Variants in NBEAL1 observed in about 807,000 individuals in gnomAD.
The protein encoded by NBEAL1 is neurobeachin like 1, also known as neurobeachin-like protein 1.
Under a neutral mutation model 351.3 loss-of-function variants are expected in NBEAL1, and 273 were observed. The observed-to-expected ratio is 0.78, with a 90% confidence interval of 0.70 to 0.86. NBEAL1 has a LOEUF of 0.86. NBEAL1 is among the 40% of genes least tolerant of loss of function. The pLI is 0.00. For synonymous variants in NBEAL1, 1,050 were observed against 1,086.4 expected (o/e 0.97, Z 0.66); for missense variants, 2,961 against 3,201.3 (o/e 0.92, Z 1.81).
At chr2:203,172,936 A>ATT in intron 41 of NBEAL1, 83 bp downstream of exon 41, 4 of 1,216,350 alleles carry the variant, frequency 3.3e-6, no homozygotes, top group Non-Finnish European at 2.2e-6. Context: ...AACCAAAAAA[A>ATT]TTTTTTTTTT....
intron 48 of NBEAL1, 117 bp downstream of exon 48, chr2:203,197,508 C>A: frequency 1.6e-6 from 1 of 611,234 alleles, no homozygotes; most frequent in Non-Finnish European, 2.8e-6. Context: ...GTGGTTCATG[C>A]CTGTAATCCC....
rs546624132 is a variant in NBEAL1, at chr2:203,099,041, G to A, written c.1186-588G>A. Among the ~76,000 whole-genome samples the A allele has an allele frequency of 1.1e-3, 167 of 152,196 alleles. 1 individual carries two copies. Among genetic ancestry groups the A allele is most frequent in the African/African-American group, 3.9e-3 (163 of 41,528 alleles). On this transcript the variant is annotated intron_variant, in intron 11 of 55. Transcript: ENST00000683969. ...TGTAATCCCAGCACTTTGGGAGGCC[G>A]AGGTGGGTGGATCCACTTGAGGTCA...
rs527746341 is a variant in NBEAL1, at chr2:203,180,395, G to A, written c.6478G>A (p.Asp2160Asn). 15 of 1,610,470 alleles carry A rather than the reference G, an allele frequency of 9.3e-6. No homozygotes were observed. In the East Asian group the frequency reaches 3.4e-4, roughly 36 times the overall value. The change falls in exon 43 of 56, where the codon GAT (aspartate) becomes AAT (asparagine). Residue 2160 changes from aspartate to asparagine, a missense_variant. Asp to Asn is a conservative substitution (Grantham distance 23). Transcript: ENST00000683969. ...QLQSGRFDCA[D>N]RQFHSIPATW... Reference sequence around the variant, plus strand: ...TTCTACATGCAGGTTTGACTGTGCAGATCGACAGTTCCATTCTATTCCTGC... The same window carrying A: ...TTCTACATGCAGGTTTGACTGTGCAAATCGACAGTTCCATTCTATTCCTGC...
intron 2 of NBEAL1, among the ~76,000 whole-genome samples, chr2:203,016,647 C>T (rs147051922): frequency 2.6e-4 from 39 of 152,172 alleles, no homozygotes; most frequent in African/African-American, 6.7e-4. Flanking sequence ...CTGTAGGGTG[C>T]GGCTTTTATT....
At chr2:203,214,841 T>C (rs1361622227) in intron 55 of NBEAL1, among the ~76,000 whole-genome samples, 1 of 152,218 alleles carries the variant, frequency 6.6e-6, no homozygotes, top group Admixed American at 6.5e-5. Flanking sequence ...AAGATCTATT[T>C]TTATCTAAAA....
chr2:203,060,606 A>G (rs905144400), intron 6 of NBEAL1, among the ~76,000 whole-genome samples: 2 of 152,238 alleles, frequency 1.3e-5, no homozygotes, highest in Non-Finnish European at 2.9e-5. Flanking sequence ...ACTACCTATT[A>G]AACTCATGTA....
chr2:203,165,033 G>A (rs1020090359), intron 36 of NBEAL1, among the ~76,000 whole-genome samples: 1 of 152,000 alleles, frequency 6.6e-6, no homozygotes, highest in Admixed American at 6.6e-5. Context: ...GGCTAATTTT[G>A]TATTTTTAGT....
At position 203,166,261 on chromosome 2, in the gene NBEAL1, A is replaced by T; in HGVS notation, c.5827A>T (p.Ile1943Phe). The T allele has an allele frequency of 6.2e-7, 1 of 1,610,838 alleles. No homozygotes were observed. Residue 1943 changes from isoleucine (I) to phenylalanine (F), a missense_variant, in exon 37 of 56, where the codon ATT becomes TTT. Coordinates refer to ENST00000683969, the MANE Select transcript of NBEAL1 (RefSeq NM_001378026.1). ...CAGATTAGAAATCACTACTCAACAC[A>T]TTTACTTCTATGATGGCAGCATTGA... is the stretch of plus-strand genomic sequence containing the variant. ...PGRLEITTQH[I>F]YFYDGSIEKE...
chr2:203,154,926 C>A (rs2063757962), intron 35 of NBEAL1, among the ~76,000 whole-genome samples: 3 of 120,772 alleles, frequency 2.5e-5, no homozygotes, highest in South Asian at 3.0e-4. Context: ...CAGAGTGAGA[C>A]CTTGTCTCAA....
intron 31 of NBEAL1, 150 bp from the exon 32 acceptor site, chr2:203,144,449 CT>C: frequency 1.4e-6 from 1 of 692,000 alleles, no homozygotes; most frequent in East Asian, 2.8e-5. Flanking sequence ...GCAGCTAACC[CT>C]TTAGCTTGGA....
intron 7 of NBEAL1, among the ~76,000 whole-genome samples, chr2:203,070,195 CT>C (rs1032249679): frequency 1.4e-4 from 21 of 145,620 alleles, no homozygotes; most frequent in Non-Finnish European, 1.2e-4. Context: ...TGGACATTGA[CT>C]TTTTTTTTTA....
intron 6 of NBEAL1, 47 bp from the exon 7 acceptor site, chr2:203,068,344 GTC>G: frequency 2.3e-6 from 2 of 868,600 alleles, no homozygotes; most frequent in Non-Finnish European, 1.8e-6. Context: ...ATTGTGCCGT[GTC>G]TGCTTGCCCA....
Position 203,126,470 on chromosome 2 carries a change from A to C in NBEAL1, c.2986-87A>C, listed in dbSNP as rs540902531. On this transcript the variant is annotated intron_variant, in intron 21 of 55. Transcript: ENST00000683969. ...GGGTTTTTCTATTTTTATACTTAGT[A>C]GATGTTCTGATTAATGATTTAAAAT... 1.1e-4 allele frequency: 115 copies of C among 1,032,446 alleles called. No individual in the cohort carries two copies. In the African/African-American group the frequency reaches 1.8e-3, roughly 16 times the overall value. The allele number at this position is 1,032,446 out of a possible 1,614,324, so 64.0% of individuals were successfully genotyped here.
chr2:203,026,549 C>G (rs2060860486), intron 2 of NBEAL1, among the ~76,000 whole-genome samples: 1 of 149,730 alleles, frequency 6.7e-6, no homozygotes, highest in Non-Finnish European at 1.5e-5. Flanking sequence ...TGCTCTGTCT[C>G]CAGGCTCCAG....
At chr2:203,159,882 T>C (rs2063899565) in intron 36 of NBEAL1, among the ~76,000 whole-genome samples, 1 of 152,034 alleles carries the variant, frequency 6.6e-6, no homozygotes, top group Non-Finnish European at 1.5e-5. Flanking sequence ...TTTCTCCACA[T>C]CTACCTCAAC....
At chr2:203,081,953 A>G (rs1010069787) in intron 8 of NBEAL1, among the ~76,000 whole-genome samples, 1 of 152,202 alleles carries the variant, frequency 6.6e-6, no homozygotes, top group Non-Finnish European at 1.5e-5. Flanking sequence ...AGTTTTTTTA[A>G]ATTAGTCAGG....
chr2:203,214,163 T>C (rs1446623041), intron 55 of NBEAL1, among the ~76,000 whole-genome samples: 1 of 152,242 alleles, frequency 6.6e-6, no homozygotes, highest in Non-Finnish European at 1.5e-5. Context: ...TCAGATATCA[T>C]AAATCTAACT....
rs766457521 is a variant in NBEAL1 at position 203,190,372 on chromosome 2, C to A, written c.6904C>A (p.Pro2302Thr). ...GATGATTAATAATTTTGGGCAAACA[C>A]CCTGTCAATTATTAAAGGTAAGTCA... ...EGMINNFGQT[P>T]CQLLKEPHPP... Residue 2302 changes from proline to threonine, a missense_variant, in exon 46 of 56, where the codon CCC becomes ACC. Coordinates refer to ENST00000683969, the MANE Select transcript of NBEAL1 (RefSeq NM_001378026.1). The A allele has an allele frequency of 1.9e-6, 3 of 1,609,296 alleles. No homozygotes were observed. The highest frequency in any genetic ancestry group is 4.5e-5 in the East Asian group (2 of 44,870).
At chr2:203,060,663 C>T (rs891653618) in intron 6 of NBEAL1, among the ~76,000 whole-genome samples, 2 of 152,060 alleles carry the variant, frequency 1.3e-5, no homozygotes, top group Non-Finnish European at 2.9e-5. Flanking sequence ...TGTTTTCTTG[C>T]GAAAGTGGAA....
Sources: allele counts gnomAD v4.1 joint callset (sites outside exome capture counted in the v4.1 genomes callset), GRCh38; gene constraint gnomAD v4.1.1; transcripts MANE v1.5; gene names NCBI Gene and HGNC (gene_info 2026-07-23, HGNC 2026-07-21).